MLIP: variants seen among roughly 807,000 people sequenced by gnomAD.
MLIP encodes the protein muscular LMNA-interacting protein.
In MLIP, 79 loss-of-function variants were observed where a neutral mutation model predicts 84.8. That is an observed-to-expected ratio of 0.93 (90% confidence interval 0.78 to 1.12). The LOEUF (loss-of-function observed/expected upper bound fraction) is 1.12. MLIP is among the 50% of genes most tolerant of loss of function. MLIP has a pLI of 0.00. For missense variants in MLIP, 1,257 were observed against 1,160.6 expected, an observed-to-expected ratio of 1.08 and a Z score of -1.21; for synonymous variants, 504 against 463.0, an observed-to-expected ratio of 1.09 and a Z score of -1.14.
chr6:54,038,587 A>AT lies in MLIP; in HGVS notation c.63+19502dup, dbSNP rs149613904. ...CATTCCTCATTTTTTTGGCTTTAAG[A>AT]TTTTTTCTTTATATTTATGAAGTTT... On this transcript the variant is annotated intron_variant, in intron 1 of 12. Coordinates refer to the MLIP transcript ENST00000274897. Among the ~76,000 whole-genome samples, 1,184 of 151,658 alleles carry AT rather than the reference A, an allele frequency of 7.8e-3. 14 individuals are homozygous for AT. Among genetic ancestry groups the AT allele is most frequent in the Middle Eastern group, 0.028 (8 of 290 alleles).
intron 9 of MLIP, among the ~76,000 whole-genome samples, chr6:54,183,520 T>C (rs1304328800): frequency 1.3e-5 from 2 of 152,090 alleles, no homozygotes; most frequent in African/African-American, 4.8e-5. Context: ...CTTGATCTGA[T>C]CTTTTATTTC....
chr6:54,029,661 T>C (rs1006223840), intron 1 of MLIP, among the ~76,000 whole-genome samples: 3 of 152,192 alleles, frequency 2.0e-5, no homozygotes, highest in African/African-American at 7.2e-5. Context: ...TATCATACTA[T>C]ATACTATGTG....
intron 5 of MLIP, among the ~76,000 whole-genome samples, chr6:54,152,860 G>A (rs368094741): frequency 8.4e-4 from 101 of 120,206 alleles, no homozygotes; most frequent in African/African-American, 4.1e-3. Flanking sequence ...AGTTGTTAAA[G>A]GAGGAGAGAA....
At chr6:54,072,184 A>C (rs1397522344) in intron 1 of MLIP, among the ~76,000 whole-genome samples, 3 of 152,120 alleles carry the variant, frequency 2.0e-5, no homozygotes, top group Non-Finnish European at 4.4e-5. Context: ...CCCATGAGGA[A>C]CTGACTCACC....
intron 4 of MLIP, 26 bp downstream of exon 4, chr6:54,138,312 A>C (rs756712257): frequency 1.3e-6 from 2 of 1,499,122 alleles, no homozygotes; most frequent in South Asian, 2.5e-5. Flanking sequence ...TGCATGGTGC[A>C]TGCTTATTTT....
chr6:54,055,379 C>A (rs1765605218), intron 1 of MLIP, among the ~76,000 whole-genome samples: 1 of 152,034 alleles, frequency 6.6e-6, no homozygotes, highest in Non-Finnish European at 1.5e-5. Context: ...ATCTAACAGA[C>A]TTATGGTAGA....
At chr6:54,098,603 A>G (rs571369448) in intron 1 of MLIP, among the ~76,000 whole-genome samples, 2 of 152,156 alleles carry the variant, frequency 1.3e-5, no homozygotes, top group South Asian at 4.2e-4. Context: ...AGTTCAGGGG[A>G]AAAAAAGTCA....
chr6:54,158,094 T>C lies in MLIP; in HGVS notation c.2290-2273T>C, dbSNP rs79459838. On this transcript the variant is annotated intron_variant, in intron 5 of 13. Coordinates refer to ENST00000502396, the MANE Select transcript of MLIP (RefSeq NM_001281747.2). ...AAATGGCAGTTCTAGCATCTGGACC[T>C]GGTACCTCTTGGTCAAGGCTAATAG... Among the ~76,000 whole-genome samples, 172 of 152,216 alleles carry C rather than the reference T, an allele frequency of 1.1e-3. 3 individuals are homozygous for C. In the East Asian group the frequency reaches 0.031, roughly 27 times the overall value.
intron 11 of MLIP, 67 bp from the exon 12 acceptor site, chr6:54,230,647 C>A: frequency 7.0e-7 from 1 of 1,435,494 alleles, no homozygotes; most frequent in Admixed American, 1.7e-5. Flanking sequence ...CTATCGTAGA[C>A]CTAATTCCAA....
At chr6:54,194,232 T>C (rs1280850) in intron 10 of MLIP, among the ~76,000 whole-genome samples, 7,395 of 152,200 alleles carry the variant, frequency 0.049, 289 homozygotes, top group Non-Finnish European at 0.078. Context: ...CTGAGGGCCC[T>C]TTTAAGGCCT....
intron 13 of MLIP, chr6:54,261,724 A>G (rs1423931907): frequency 1.0e-6 from 1 of 985,262 alleles, no homozygotes; most frequent in East Asian, 1.1e-4. Context: ...TAGAAAAGAG[A>G]AAATAAATTA....
upstream of MLIP, chr6:54,111,313 A>C (rs1769442497): frequency 3.3e-6 from 4 of 1,225,822 alleles, no homozygotes; most frequent in Non-Finnish European, 4.3e-6. Flanking sequence ...TTGTCAAAAC[A>C]GAAATCTACT....
intron 12 of MLIP, among the ~76,000 whole-genome samples, chr6:54,237,904 A>G (rs1439225529): frequency 6.6e-6 from 1 of 152,190 alleles, no homozygotes; most frequent in East Asian, 1.9e-4. Flanking sequence ...TATTTTTGAT[A>G]TATTATGCTT....
At chr6:54,045,753 G>GT (rs1765011255) in intron 1 of MLIP, 2 of 153,060 alleles carry the variant, frequency 1.3e-5, no homozygotes, top group South Asian at 4.1e-4. Flanking sequence ...CGTGCAAAAC[G>GT]TAACTCCTTC....
At chr6:54,257,060 G>C (rs1290087836) in intron 12 of MLIP, among the ~76,000 whole-genome samples, 1 of 152,048 alleles carries the variant, frequency 6.6e-6, no homozygotes, top group African/African-American at 2.4e-5. Context: ...GCTAAGCACT[G>C]TTAGAGTTGA....
intron 1 of MLIP, among the ~76,000 whole-genome samples, chr6:54,073,265 CG>C (rs1188000777): frequency 6.6e-6 from 1 of 152,084 alleles, no homozygotes; most frequent in African/African-American, 2.4e-5. Flanking sequence ...TTCAGGTTTT[CG>C]TAGTTAACTT....
At chr6:54,122,300 T>G (rs1188870378) in intron 2 of MLIP, among the ~76,000 whole-genome samples, 1 of 152,086 alleles carries the variant, frequency 6.6e-6, no homozygotes, top group African/African-American at 2.4e-5. Context: ...CCATGGAAAA[T>G]GTTAACCTTA....
intron 2 of MLIP, among the ~76,000 whole-genome samples, chr6:54,123,909 A>C (rs1165132242): frequency 6.6e-6 from 1 of 152,208 alleles, no homozygotes; most frequent in Non-Finnish European, 1.5e-5. Flanking sequence ...ACAGTGAAAG[A>C]TGCTTTGTAC....
chr6:54,031,484 T>G (rs1764134689), intron 1 of MLIP: 1 of 152,242 alleles, frequency 6.6e-6, no homozygotes, highest in Non-Finnish European at 1.5e-5. Flanking sequence ...AAACCTTGTT[T>G]GAACTGTCTA....
Sources: allele counts gnomAD v4.1 joint callset (sites outside exome capture counted in the v4.1 genomes callset), GRCh38; gene constraint gnomAD v4.1.1; transcripts MANE v1.5; gene names NCBI Gene and HGNC (gene_info 2026-07-23, HGNC 2026-07-21).